DCDC1: variants seen among roughly 807,000 people sequenced by gnomAD.
DCDC1 encodes doublecortin domain containing 1, also known as doublecortin domain-containing protein 1.
DCDC1 carries 200 observed loss-of-function variants against 178.3 expected under a neutral mutation model. The observed-to-expected ratio is 1.12, with a 90% CI of 1.00 to 1.26. The LOEUF (loss-of-function observed/expected upper bound fraction) is 1.26. Among genes scored for constraint, DCDC1 ranks in the 50% most tolerant of loss-of-function variants. The pLI is 0.00. For synonymous variants in DCDC1, 690 were observed against 604.8 expected (o/e 1.14, Z -2.07); for missense variants, 1,983 against 1,749.2 (o/e 1.13, Z -2.38).
At chr11:31,328,061 T>C in intron 3 of DCDC1, 56 bp downstream of exon 3, 5 of 1,490,864 alleles carry the variant, frequency 3.4e-6, no homozygotes, top group East Asian at 4.7e-5. Flanking sequence ...CTACTTTCTA[T>C]AAACACTTTT....
intron 25 of DCDC1, among the ~76,000 whole-genome samples, chr11:30,919,578 C>T (rs1946097709): frequency 1.3e-5 from 2 of 152,138 alleles, no homozygotes; most frequent in African/African-American, 2.4e-5. Flanking sequence ...TGTGAAAGTT[C>T]GTGGTCAATT....
intron 9 of DCDC1, among the ~76,000 whole-genome samples, chr11:31,141,428 C>T (rs912690695): frequency 6.6e-6 from 1 of 152,124 alleles, no homozygotes; most frequent in African/African-American, 2.4e-5. Context: ...GTTGTTTTCT[C>T]TGTATTAAGA....
intron 20 of DCDC1, among the ~76,000 whole-genome samples, chr11:31,059,827 G>A (rs1955814125): frequency 6.6e-6 from 1 of 151,944 alleles, no homozygotes. Context: ...ATTTAATATA[G>A]TACTCTTATG....
At chr11:31,223,809 A>C (rs1591465837) in intron 9 of DCDC1, among the ~76,000 whole-genome samples, 1 of 152,146 alleles carries the variant, frequency 6.6e-6, no homozygotes, top group South Asian at 2.1e-4. Context: ...TATATGTAAT[A>C]TATACATATA....
intron 9 of DCDC1, among the ~76,000 whole-genome samples, chr11:31,159,546 T>A (rs1966098524): frequency 2.0e-5 from 3 of 152,172 alleles, no homozygotes; most frequent in African/African-American, 7.2e-5. Context: ...TTCATTTCTG[T>A]GGGAGGTCAT....
chr11:31,198,737 C>T (rs1427277521), intron 9 of DCDC1, among the ~76,000 whole-genome samples: 1 of 151,958 alleles, frequency 6.6e-6, no homozygotes, highest in Non-Finnish European at 1.5e-5. Flanking sequence ...CTGATTAATG[C>T]TATCACAACA....
At chr11:31,197,674 G>C (rs969218901) in intron 9 of DCDC1, among the ~76,000 whole-genome samples, 1 of 152,054 alleles carries the variant, frequency 6.6e-6, no homozygotes, top group Non-Finnish European at 1.5e-5. Flanking sequence ...AGGAAAGAGG[G>C]AGTTGAGTAC....
At chr11:31,238,394 A>C (rs574749809) in intron 9 of DCDC1, among the ~76,000 whole-genome samples, 1 of 152,212 alleles carries the variant, frequency 6.6e-6, no homozygotes, top group African/African-American at 2.4e-5. Flanking sequence ...AAAAATCACT[A>C]ATATCATTTT....
chr11:31,346,874 TA>T (rs1310742822), intron 1 of DCDC1, among the ~76,000 whole-genome samples: 3 of 152,342 alleles, frequency 2.0e-5, no homozygotes, highest in African/African-American at 7.2e-5. Context: ...AAATGTTCAT[TA>T]AAAAATATTT....
intron 36 of DCDC1, among the ~76,000 whole-genome samples, chr11:30,884,918 G>T (rs1233985807): frequency 5.3e-5 from 8 of 152,038 alleles, no homozygotes. Context: ...CCTATAGGAT[G>T]ATTTTACGAT....
chr11:31,142,015 C>T (rs866194466), intron 9 of DCDC1, among the ~76,000 whole-genome samples: 1 of 152,220 alleles, frequency 6.6e-6, no homozygotes, highest in Non-Finnish European at 1.5e-5. Context: ...GCCCCAGCTT[C>T]TCTCAGAATG....
At chr11:30,890,566 C>A (rs1460655669) in intron 36 of DCDC1, among the ~76,000 whole-genome samples, 1 of 152,144 alleles carries the variant, frequency 6.6e-6, no homozygotes, top group Non-Finnish European at 1.5e-5. Context: ...ATTAGTACTT[C>A]TCTCAGAGGA....
At chr11:31,236,755 C>T (rs991356616) in intron 9 of DCDC1, among the ~76,000 whole-genome samples, 46 of 152,016 alleles carry the variant, frequency 3.0e-4, no homozygotes, top group South Asian at 2.3e-3. Flanking sequence ...GACTATCACA[C>T]TATTTTCATG....
intron 1 of DCDC1, among the ~76,000 whole-genome samples, chr11:31,356,597 T>C (rs1189183052): frequency 6.7e-6 from 1 of 149,750 alleles, no homozygotes; most frequent in Non-Finnish European, 1.5e-5. Context: ...AGAGCAGAAC[T>C]GAAGGAAATA....
At chr11:31,058,277 A>G (rs1260272495) in intron 20 of DCDC1, among the ~76,000 whole-genome samples, 2 of 152,110 alleles carry the variant, frequency 1.3e-5, no homozygotes, top group East Asian at 1.9e-4. Context: ...TCTTAATTCC[A>G]TTAATCATAC....
At chr11:31,305,917 A>G in intron 5 of DCDC1, 140 bp from the exon 6 acceptor site, 4 of 1,018,192 alleles carry the variant, frequency 3.9e-6, no homozygotes, top group Non-Finnish European at 5.5e-6. Context: ...AGCAGTTGAA[A>G]ATATAGAAAT....
intron 20 of DCDC1, among the ~76,000 whole-genome samples, chr11:30,971,979 T>C (rs1341917528): frequency 6.6e-6 from 1 of 152,146 alleles, no homozygotes; most frequent in African/African-American, 2.4e-5. Flanking sequence ...ACATTACATA[T>C]GGCACACCAT....
In DCDC1 at chr11:30,884,159, G is replaced by A. The variant is rs1039240896; in HGVS notation, c.5083-2851C>T. On this transcript the variant is annotated intron_variant, in intron 36 of 38. Coordinates refer to ENST00000684477, the MANE Select transcript of DCDC1 (RefSeq NM_001387274.1). ...GGTGATCCTTCCATCTCAGTCTCCC[G>A]AGTATCTGGGACTACAGGCGTGCAC... Among the ~76,000 whole-genome samples, 8 of 150,006 alleles carry A rather than the reference G, an allele frequency of 5.3e-5. No individual in the cohort carries two copies. The East Asian group carries it at 1.4e-3, about 26-fold the overall frequency.
At chr11:31,281,327 G>A (rs1323328282) in intron 7 of DCDC1, among the ~76,000 whole-genome samples, 2 of 149,470 alleles carry the variant, frequency 1.3e-5, no homozygotes, top group African/African-American at 5.0e-5. Flanking sequence ...CCTTGATTCT[G>A]ATCTTGAGGA....
Sources: allele counts gnomAD v4.1 joint callset (sites outside exome capture counted in the v4.1 genomes callset), GRCh38; gene constraint gnomAD v4.1.1; transcripts MANE v1.5; gene names NCBI Gene and HGNC (gene_info 2026-07-23, HGNC 2026-07-21).